LONP2: variants seen among roughly 807,000 people sequenced by gnomAD.
The protein encoded by LONP2 is lon protease homolog 2, peroxisomal.
Under a neutral mutation model 85.6 loss-of-function variants are expected in LONP2, and 60 were observed. The ratio of observed to expected loss-of-function variants is 0.70; its 90% CI spans 0.57 to 0.87. The LOEUF (loss-of-function observed/expected upper bound fraction) is 0.87, where lower values mean the gene tolerates loss of function less well. Among genes scored for constraint, LONP2 ranks in the 40% least tolerant of loss-of-function variants. The probability of loss-of-function intolerance (pLI) is 0.00; values close to 1 mark genes in which losing one functional copy is unlikely to be tolerated. For missense variants in LONP2, 860 were observed against 1,063.5 expected (o/e 0.81, Z 2.66); for synonymous variants, 395 against 389.7 (o/e 1.01, Z -0.16).
intron 6 of LONP2, among the ~76,000 whole-genome samples, chr16:48,268,657 ACT>A (rs1236084245): frequency 6.6e-6 from 1 of 151,874 alleles, no homozygotes; most frequent in Non-Finnish European, 1.5e-5. Flanking sequence ...CAATTGAGAA[ACT>A]CTCTATCTTT....
chr16:48,359,006 A>G (rs1265170719), downstream of LONP2, among the ~76,000 whole-genome samples: 1 of 152,142 alleles, frequency 6.6e-6, no homozygotes, highest in Non-Finnish European at 1.5e-5. Flanking sequence ...TTGTTTTTTG[A>G]GCCAAGAGTC....
intron 8 of LONP2, among the ~76,000 whole-genome samples, chr16:48,282,569 T>C (rs551148732): frequency 6.6e-6 from 1 of 152,332 alleles, no homozygotes; most frequent in South Asian, 2.1e-4. Flanking sequence ...TCTATTATGA[T>C]GATCTGTTAT....
At chr16:48,361,297 A>C, downstream of LONP2, 1 of 339,918 alleles carries the variant, frequency 2.9e-6, no homozygotes, top group Non-Finnish European at 5.5e-6. Context: ...ACAAACACAA[A>C]ACTCAGAATT....
At position 48,356,024 on chromosome 16, in the gene LONP2, T is replaced by C. The variant is rs1270892061; in HGVS notation, c.*4222T>C. 1.3e-5 allele frequency: 2 copies of C among 152,220 alleles called. No homozygotes were observed. The highest frequency in any genetic ancestry group is 2.9e-5 in the Non-Finnish European group (2 of 68,034). 9.4% of individuals were successfully genotyped at this position (152,220 alleles called of 1,614,324 possible). A position where few individuals can be genotyped will look rare whatever the true frequency, so the allele number is the denominator to read the frequency against. ...TTTTTACTTGGCTCTGCCCCTTTAG[T>C]GGTCCCTGTGAACCTTACCTCAAAC... On this transcript the variant is annotated 3_prime_UTR_variant, in exon 15 of 15. Coordinates refer to ENST00000285737, the MANE Select transcript of LONP2 (RefSeq NM_031490.5).
At chr16:48,325,261 C>T (rs1973346133) in intron 11 of LONP2, among the ~76,000 whole-genome samples, 1 of 152,186 alleles carries the variant, frequency 6.6e-6, no homozygotes, top group African/African-American at 2.4e-5. Context: ...AATGCTTGCC[C>T]ACCCGCTGCT....
Position 48,262,783 on chromosome 16 carries a change from A to G in LONP2, c.893A>G (p.Lys298Arg), listed in dbSNP as rs1971905052. 6.2e-7 allele frequency: 1 copy of G among 1,606,512 alleles called. No individual in the cohort carries two copies. Among genetic ancestry groups the G allele is most frequent in the African/African-American group, 1.3e-5 (1 of 74,636 alleles). The change falls in exon 6 of 15, where the codon AAA becomes AGA. Residue 298 changes from lysine to arginine, a missense_variant. Transcript: ENST00000285737. ...KVCVKEIKRLKKMPQSMPEYA... is the reference protein window; with the variant it reads ...KVCVKEIKRLRKMPQSMPEYA... ...TGTGTATTCTTTCTCCACAGACTCA[A>G]AAAAATGCCTCAGTCAATGCCAGAA...
intron 14 of LONP2, 54 bp downstream of exon 14, chr16:48,348,344 T>TA (rs2151033701): frequency 8.5e-7 from 1 of 1,178,190 alleles, no homozygotes; most frequent in Non-Finnish European, 1.1e-6. Context: ...TTTTGAAAAT[T>TA]AATATTATTT....
rs962635298 is a variant in LONP2 at position 48,331,721 on chromosome 16, C to T, written c.1796-2495C>T. Reference sequence around the variant, plus strand: ...CTGGGACTACAGGCACCCACCACCACGCCCAGCTAATTTTTTGTATTTTTA... The same window carrying T: ...CTGGGACTACAGGCACCCACCACCATGCCCAGCTAATTTTTTGTATTTTTA... On this transcript the variant is annotated intron_variant, in intron 11 of 14. Transcript: ENST00000285737. 7.9e-5 allele frequency among the ~76,000 whole-genome samples: 12 copies of T among 152,156 alleles called. 1 individual carries two copies. In the Middle Eastern group the frequency reaches 0.01, roughly 129 times the overall value.
intron 8 of LONP2, 137 bp downstream of exon 8, chr16:48,277,616 G>A (rs1972239554): frequency 2.9e-6 from 2 of 694,330 alleles, no homozygotes; most frequent in South Asian, 3.4e-5. Flanking sequence ...TGAGGTCTGA[G>A]CAATTTGGCA....
chr16:48,250,627 A>ATAC (rs1596902805), intron 1 of LONP2, among the ~76,000 whole-genome samples: 1 of 152,300 alleles, frequency 6.6e-6, no homozygotes, highest in East Asian at 1.9e-4. Flanking sequence ...CTACTTTGTA[A>ATAC]ACCCTTTAGG....
chr16:48,275,463 A>G (rs976009447), intron 7 of LONP2, among the ~76,000 whole-genome samples: 1 of 152,154 alleles, frequency 6.6e-6, no homozygotes, highest in Non-Finnish European at 1.5e-5. Context: ...AGAGGAGGTT[A>G]TTATACCCAT....
chr16:48,248,814 C>G (rs935732860), intron 1 of LONP2, among the ~76,000 whole-genome samples: 15 of 148,132 alleles, frequency 1.0e-4, no homozygotes, highest in Admixed American at 7.5e-4. Context: ...CCCAGGTGAT[C>G]GAAGCTGCAG....
At chr16:48,271,270 G>A (rs59893238) in intron 7 of LONP2, among the ~76,000 whole-genome samples, 2,081 of 152,208 alleles carry the variant, frequency 0.014, 47 homozygotes, top group African/African-American at 0.047. Context: ...GTTCTCACTG[G>A]TCTCTTTGTT....
At chr16:48,268,620 TTTAGTGTCAGGGCTAGC>T (rs1174368650) in intron 6 of LONP2, among the ~76,000 whole-genome samples, 1 of 152,192 alleles carries the variant, frequency 6.6e-6, no homozygotes, top group African/African-American at 2.4e-5. Flanking sequence ...TGTGGTAGGT[TTTAGTGTCAGGGCTAGC>T]ACTGTGAAAC....
At position 48,262,850 on chromosome 16, in the gene LONP2, TC is replaced by T. The variant is rs1971907014; in HGVS notation, c.962del (p.Pro321LeufsTer29). On this transcript the variant is annotated frameshift_variant, in exon 6 of 15. Transcript: ENST00000285737. LOFTEE classifies it high-confidence loss of function. ...ATTATTTGGAACTTATGGTAGAACTTCCTTGGAACAAAAGTACAACTGGTAA... is the reference window on the plus strand; with the variant it reads ...ATTATTTGGAACTTATGGTAGAACTTCTTGGAACAAAAGTACAACTGGTAA... Reference protein sequence around the residue: ...RNYLELMVELPWNKSTTDRLD... With the variant: ...RNYLELMVELXWNKSTTDRLD... 1 of 1,610,260 alleles carries T rather than the reference TC, an allele frequency of 6.2e-7. No homozygotes were observed. Among genetic ancestry groups the T allele is most frequent in the Non-Finnish European group, 8.5e-7 (1 of 1,177,792 alleles).
At chr16:48,275,465 T>TA (rs1972188046) in intron 7 of LONP2, among the ~76,000 whole-genome samples, 1 of 152,112 alleles carries the variant, frequency 6.6e-6, no homozygotes, top group African/African-American at 2.4e-5. Context: ...AGGAGGTTAT[T>TA]ATACCCATGA....
At chr16:48,343,067 G>A (rs909199096) in intron 12 of LONP2, among the ~76,000 whole-genome samples, 5 of 152,182 alleles carry the variant, frequency 3.3e-5, no homozygotes, top group Admixed American at 2.0e-4. Context: ...AGGGAGGGAC[G>A]CTTGCCTCTT....
At chr16:48,343,919 C>T (rs1032069202) in intron 12 of LONP2, 3 of 152,180 alleles carry the variant, frequency 2.0e-5, no homozygotes, top group African/African-American at 7.2e-5. Context: ...GAGATACCCA[C>T]ATTCTACTTT....
intron 8 of LONP2, among the ~76,000 whole-genome samples, chr16:48,292,062 C>G (rs1972567058): frequency 6.6e-6 from 1 of 152,170 alleles, no homozygotes; most frequent in Non-Finnish European, 1.5e-5. Flanking sequence ...TCTTTTGAGT[C>G]TTTGATCAGC....
Sources: gnomAD v4.1 joint callset for allele counts (sites outside exome capture counted in the v4.1 genomes callset) on GRCh38, gnomAD v4.1.1 for gene constraint, MANE v1.5 for transcripts, NCBI Gene and HGNC (gene_info 2026-07-23, HGNC 2026-07-21) for gene names.